Variants in DAB1 observed in about 807,000 individuals in gnomAD.
The protein encoded by DAB1 is DAB adaptor protein 1, also known as disabled homolog 1.
DAB1 carries 15 observed loss-of-function variants against 64.6 expected under a neutral mutation model. The observed-to-expected ratio is 0.23, with a 90% CI of 0.16 to 0.36. DAB1 has a LOEUF of 0.36. DAB1 is among the 10% of genes least tolerant of loss of function. The pLI is 1.00. For missense variants in DAB1, 596 were observed against 706.7 expected, an observed-to-expected ratio of 0.84 and a Z score of 1.78; for synonymous variants, 235 against 251.9, an observed-to-expected ratio of 0.93 and a Z score of 0.64.
At chr1:58,155,894 T>G (rs1002100896) in intron 4 of DAB1, among the ~76,000 whole-genome samples, 1 of 152,216 alleles carries the variant, frequency 6.6e-6, no homozygotes, top group African/African-American at 2.4e-5. Flanking sequence ...TTAAAATTCT[T>G]CAATTTGAGA....
intron 5 of DAB1, among the ~76,000 whole-genome samples, chr1:58,023,412 A>G (rs1050048591): frequency 2.0e-5 from 3 of 152,118 alleles, no homozygotes. Context: ...AAAAACTACT[A>G]GTGGCTGGCT....
At chr1:58,341,324 G>A (rs1643930224) in intron 4 of DAB1, among the ~76,000 whole-genome samples, 1 of 152,084 alleles carries the variant, frequency 6.6e-6, no homozygotes, top group Admixed American at 6.6e-5. Flanking sequence ...TGTGGCCCAG[G>A]AAAGTCGCAT....
chr1:58,463,915 G>T (rs569582040), intron 3 of DAB1, among the ~76,000 whole-genome samples: 1 of 152,350 alleles, frequency 6.6e-6, no homozygotes, highest in Admixed American at 6.5e-5. Flanking sequence ...AAGATTGTGG[G>T]TGAATGCCCC....
At chr1:57,583,087 C>T (rs1645333017) in intron 7 of DAB1, among the ~76,000 whole-genome samples, 1 of 152,134 alleles carries the variant, frequency 6.6e-6, no homozygotes, top group African/African-American at 2.4e-5. Context: ...AATTATTGAA[C>T]TGCTGAGTTA....
intron 5 of DAB1, among the ~76,000 whole-genome samples, chr1:57,979,207 T>A (rs1344794486): frequency 6.6e-6 from 1 of 152,162 alleles, no homozygotes; most frequent in Non-Finnish European, 1.5e-5. Flanking sequence ...ATGTGGCACA[T>A]ATACACCATG....
At chr1:57,545,879 A>G (rs148889000) in intron 7 of DAB1, among the ~76,000 whole-genome samples, 9 of 152,306 alleles carry the variant, frequency 5.9e-5, no homozygotes, top group Admixed American at 2.0e-4. Flanking sequence ...ATAAATTTTT[A>G]TTGAAATGAA....
At chr1:58,389,203 C>A (rs185873673) in intron 3 of DAB1, among the ~76,000 whole-genome samples, 1 of 152,116 alleles carries the variant, frequency 6.6e-6, no homozygotes. Context: ...TTTGGGAGGC[C>A]GAGTGGGGAG....
At chr1:58,154,766 A>T (rs1414934262) in intron 4 of DAB1, among the ~76,000 whole-genome samples, 4 of 152,126 alleles carry the variant, frequency 2.6e-5, no homozygotes, top group Admixed American at 2.6e-4. Context: ...GAGAGAAGGA[A>T]AGCGTTGGTG....
At chr1:58,121,349 A>G (rs1265110352) in intron 5 of DAB1, among the ~76,000 whole-genome samples, 1 of 151,750 alleles carries the variant, frequency 6.6e-6, no homozygotes, top group East Asian at 1.9e-4. Context: ...CTCATTTCCT[A>G]CCTCCTTCTT....
intron 1 of DAB1, among the ~76,000 whole-genome samples, chr1:57,326,931 A>ATTAT (rs61451955): frequency 0.47 from 69,974 of 149,894 alleles, 17,259 homozygotes; most frequent in Non-Finnish European, 0.54. Context: ...ACAGAGCACT[A>ATTAT]TTATTTATTT....
At chr1:57,219,290 CACACAT>C (rs377252331) in intron 2 of DAB1, among the ~76,000 whole-genome samples, 1 of 140,732 alleles carries the variant, frequency 7.1e-6, no homozygotes, top group Non-Finnish European at 1.6e-5. Context: ...CACACACACA[CACACAT>C]AAACACTCCA....
intron 4 of DAB1, among the ~76,000 whole-genome samples, chr1:58,318,510 T>A (rs560183506): frequency 6.6e-6 from 1 of 152,226 alleles, no homozygotes. Flanking sequence ...CTCCGGGGCA[T>A]ATTCAGGCAC....
chr1:57,593,496 C>T (rs1205218425), intron 7 of DAB1, among the ~76,000 whole-genome samples: 1 of 152,126 alleles, frequency 6.6e-6, no homozygotes, highest in Non-Finnish European at 1.5e-5. Context: ...TTTTAAAAAC[C>T]ATACATGGAA....
intron 4 of DAB1, among the ~76,000 whole-genome samples, chr1:57,087,157 G>A (rs1653167821): frequency 6.6e-6 from 1 of 152,208 alleles, no homozygotes; most frequent in African/African-American, 2.4e-5. Flanking sequence ...CTTGCTGTGG[G>A]TTGCATGCCA....
intron 2 of DAB1, among the ~76,000 whole-genome samples, chr1:57,280,630 G>A (rs901763917): frequency 6.6e-6 from 1 of 152,200 alleles, no homozygotes; most frequent in African/African-American, 2.4e-5. Flanking sequence ...GCTTAATGAA[G>A]CAGTGGGATG....
In DAB1 at chr1:58,379,191, T is replaced by C. The variant is rs140336163; in HGVS notation, n.258-35788A>G. The stretch of plus-strand genomic sequence containing the variant: ...GACCGGAGCTGTTCCTATTCGGCCA[T>C]CTTGGCTCCTCCCCCCCAGCTTACT... On this transcript the variant is annotated intron_variant and non_coding_transcript_variant, in intron 3 of 20. Coordinates refer to the DAB1 transcript ENST00000485760. Among the ~76,000 whole-genome samples, 10 of 152,322 alleles carry C rather than the reference T, an allele frequency of 6.6e-5. No homozygotes were observed. The East Asian group carries it at 1.7e-3, about 26-fold the overall frequency.
chr1:57,020,393 A>C (rs1557560581), intron 11 of DAB1, among the ~76,000 whole-genome samples: 1 of 151,966 alleles, frequency 6.6e-6, no homozygotes, highest in African/African-American at 2.4e-5. Context: ...CCTTAGAAAA[A>C]CTCTATGAGG....
At chr1:57,431,895 C>A (rs753286135) in intron 7 of DAB1, among the ~76,000 whole-genome samples, 1 of 151,940 alleles carries the variant, frequency 6.6e-6, no homozygotes, top group African/African-American at 2.4e-5. Flanking sequence ...AGGCCGAGGC[C>A]GGCAGATCAC....
chr1:58,179,552 A>G (rs1024935185), intron 4 of DAB1, among the ~76,000 whole-genome samples: 5 of 152,004 alleles, frequency 3.3e-5, no homozygotes, highest in Admixed American at 3.3e-4. Flanking sequence ...CTTTGAGTCA[A>G]TTGTGTTAAA....
Sources: allele counts gnomAD v4.1 joint callset (sites outside exome capture counted in the v4.1 genomes callset), GRCh38; gene constraint gnomAD v4.1.1; transcripts MANE v1.5; gene names NCBI Gene and HGNC (gene_info 2026-07-23, HGNC 2026-07-21).